Variants in DBN1 observed in about 807,000 individuals in gnomAD.
DBN1 encodes drebrin.
Under a neutral mutation model 83.5 loss-of-function variants are expected in DBN1, and 21 were observed. That is an observed-to-expected ratio of 0.25 (90% CI 0.18 to 0.36). The LOEUF (loss-of-function observed/expected upper bound fraction) is 0.36, where lower values mean the gene tolerates loss of function less well. DBN1 is among the 10% of genes least tolerant of loss of function. The probability of loss-of-function intolerance (pLI) is 1.00; values close to 1 mark genes in which losing one functional copy is unlikely to be tolerated. For synonymous variants in DBN1, 381 were observed against 384.9 expected (o/e 0.99, Z 0.12); for missense variants, 874 against 935.7 (o/e 0.93, Z 0.86).
At position 177,456,723 on chromosome 5, in the gene DBN1, G is replaced by A. The variant is rs1262328450; in HGVS notation, c.*710C>T. 7.0e-6 allele frequency: 1 copy of A among 141,880 alleles called. No homozygotes were observed. The highest frequency in any genetic ancestry group is 7.1e-5 in the Admixed American group (1 of 14,048). The allele number at this position is 141,880 out of a possible 1,614,324, so 8.8% of individuals were successfully genotyped here. ...AAAACAGTTACTAAACGTGAAAAAG[G>A]AACCCAAGCAAAGAGGAAGGAGTTG... On this transcript the variant is annotated 3_prime_UTR_variant, in exon 15 of 15. Transcript: ENST00000393565.
Position 177,467,487 on chromosome 5 carries a change from C to T in DBN1, c.471G>A (p.Glu157=). ...GTGCCAAACACACACTAACCACGGG[C>T]TCTGCGTTCTCATCCTCTCGCAGCC... The part of the protein sequence containing the change: ...RLRLREDENA[E]PVGTTYQKTD... Residue 157 remains glutamate, a synonymous_variant, in exon 5 of 15, where the codon GAG becomes GAA. Coordinates refer to ENST00000393565, the MANE Select transcript of DBN1 (RefSeq NM_001363541.2). This position sits in a 1 kb window ranked among gnomAD's most constrained non-coding sequence, Gnocchi z 9.1. 6.3e-7 allele frequency: 1 copy of T among 1,592,144 alleles called. No homozygotes were observed. Among genetic ancestry groups the T allele is most frequent in the Non-Finnish European group, 8.6e-7 (1 of 1,168,446 alleles).
chr5:177,467,969 T>C lies in DBN1; in HGVS notation c.255+139A>G, dbSNP rs530275434. ...GAGGGCGACTGCTCTGGGCCTTCAGTTCCCTTCCCCAGCCCCGGCCGCATA... is the reference window on the plus strand; with the variant it reads ...GAGGGCGACTGCTCTGGGCCTTCAGCTCCCTTCCCCAGCCCCGGCCGCATA... On this transcript the variant is annotated intron_variant, in intron 3 of 14. Transcript: ENST00000393565. This position sits in a 1 kb window ranked among gnomAD's most constrained non-coding sequence, Gnocchi z 9.1. 18 of 1,249,024 alleles carry C rather than the reference T, an allele frequency of 1.4e-5. No homozygotes were observed. Among genetic ancestry groups the C allele is most frequent in the East Asian group, 8.0e-5 (3 of 37,454 alleles). 77.4% of individuals were successfully genotyped at this position (1,249,024 alleles called of 1,614,324 possible).
At chr5:177,461,737 T>A (rs548203947) in intron 8 of DBN1, among the ~76,000 whole-genome samples, 1 of 152,262 alleles carries the variant, frequency 6.6e-6, no homozygotes, top group Non-Finnish European at 1.5e-5. Context: ...GCTACCTGCC[T>A]TATTTGCTCT....
At chr5:177,460,172 G>A (rs950511617) in intron 10 of DBN1, among the ~76,000 whole-genome samples, 19 of 152,214 alleles carry the variant, frequency 1.2e-4, no homozygotes, top group African/African-American at 3.4e-4. Context: ...CGTGGCCAGC[G>A]CTGTGCCTCA....
Position 177,459,216 on chromosome 5 carries a change from C to G in DBN1, c.1146G>C (p.Arg382=), listed in dbSNP as rs778827333. Residue 382 remains arginine (R), a synonymous_variant, in exon 12 of 15, where the codon CGG becomes CGC. Coordinates refer to ENST00000393565, the MANE Select transcript of DBN1 (RefSeq NM_001363541.2). The part of the protein sequence containing the change: ...RRMAPTPIPT[R]SPSDSSTAST... ...AGGCGGTGCTGGAGTCAGACGGGCT[C>G]CGCGTGGGGATGGGAGTGGGCGCCA... 1 of 1,611,270 alleles carries G rather than the reference C, an allele frequency of 6.2e-7. No homozygotes were observed.
At chr5:177,472,848 C>T in intron 1 of DBN1, 4 of 986,062 alleles carry the variant, frequency 4.1e-6, no homozygotes, top group Non-Finnish European at 4.8e-6. Context: ...AACATCCTTC[C>T]ACCTCACTCC....
intron 8 of DBN1, among the ~76,000 whole-genome samples, chr5:177,464,747 T>G (rs995080818): frequency 6.6e-6 from 1 of 150,968 alleles, no homozygotes; most frequent in Non-Finnish European, 1.5e-5. Flanking sequence ...CAAGATCAGC[T>G]TGGCCAACAT....
rs771044052 is a variant in DBN1 at position 177,467,568 on chromosome 5, C to T, written c.390G>A (p.Gly130=). The part of the protein sequence containing the change: ...SVEDIDAGAI[G]QRLSNGLARL... ...GCGCCAGCCCGTTAGAGAGCCGCTG[C>T]CCGATGGCACCCGCGTCTATGTCTT... Residue 130 remains glycine, a synonymous_variant, in exon 5 of 15, where the codon GGG becomes GGA. Coordinates refer to ENST00000393565, the MANE Select transcript of DBN1 (RefSeq NM_001363541.2). The surrounding 1 kb of genome is among the most constrained non-coding windows in gnomAD (Gnocchi z 9.1). 3 of 1,565,304 alleles carry T rather than the reference C, an allele frequency of 1.9e-6. No homozygotes were observed. The highest frequency in any genetic ancestry group is 2.7e-5 in the African/African-American group (2 of 73,668).
At chr5:177,472,395 TC>T in intron 1 of DBN1, 1 of 1,449,880 alleles carries the variant, frequency 6.9e-7, no homozygotes, top group East Asian at 2.8e-5. Flanking sequence ...ATGGGCACCT[TC>T]CCTAGAAGAA....
In DBN1 at chr5:177,458,332, C is replaced by T. The variant is rs1756716952; in HGVS notation, c.1640G>A (p.Gly547Asp). Residue 547 changes from glycine (G) to aspartate (D), a missense_variant, in exon 13 of 15, where the codon GGT (glycine) becomes GAT (aspartate). Coordinates refer to ENST00000393565, the MANE Select transcript of DBN1 (RefSeq NM_001363541.2). ...CACCTCTGCCAGGGTGACCTCAGTA[C>T]CCGAGGGTGGCGTGGGGGCCCTGGG... ...GEPRAPTPPS[G>D]TEVTLAEVPL... The T allele has an allele frequency of 6.2e-7, 1 of 1,613,204 alleles. No individual in the cohort carries two copies. The highest frequency in any genetic ancestry group is 8.5e-7 in the Non-Finnish European group (1 of 1,179,358).
chr5:177,473,545 C>G lies in DBN1; in HGVS notation c.-24G>C. ...ATGCTTCGGGCCGGACCGGGCCGAA[C>G]GGACAGACGCGCGGACGGACGGGCG... On this transcript the variant is annotated 5_prime_UTR_variant, in exon 1 of 15. Transcript: ENST00000393565. 7.5e-7 allele frequency: 1 copy of G among 1,325,646 alleles called. No individual in the cohort carries two copies. Among genetic ancestry groups the G allele is most frequent in the East Asian group, 3.3e-5 (1 of 30,696 alleles). The allele number at this position is 1,325,646 out of a possible 1,614,324, so 82.1% of individuals were successfully genotyped here. A position where few individuals can be genotyped will look rare whatever the true frequency, so the allele number is the denominator to read the frequency against.
chr5:177,458,190 T>G lies in DBN1; in HGVS notation c.1782A>C (p.Glu594Asp). ...EPPATFCDPE[E>D]VEGESLAAPQ... The stretch of plus-strand genomic sequence containing the variant: ...GGGCAGCCAGGGACTCCCCTTCCAC[T>G]TCCTCTGGGTCACAGAAGGTGGCTG... The change falls in exon 13 of 15, where the codon GAA (glutamate) becomes GAC (aspartate). Residue 594 changes from glutamate (E) to aspartate (D), a missense_variant. Glu to Asp is a conservative substitution (Grantham distance 45, BLOSUM62 2). This residue lies in a region of DBN1 where 725 missense variants were observed against 719.7 expected (regional missense o/e 1.01). Coordinates refer to ENST00000393565, the MANE Select transcript of DBN1 (RefSeq NM_001363541.2). 6.2e-7 allele frequency: 1 copy of G among 1,612,804 alleles called. No individual in the cohort carries two copies. Among genetic ancestry groups the G allele is most frequent in the Non-Finnish European group, 8.5e-7 (1 of 1,179,708 alleles).
Position 177,458,085 on chromosome 5 carries a change from G to A in DBN1, c.1887C>T (p.Gly629=), listed in dbSNP as rs775016803. The A allele has an allele frequency of 6.2e-7, 1 of 1,613,696 alleles. No individual in the cohort carries two copies. Among genetic ancestry groups the A allele is most frequent in the Non-Finnish European group, 8.5e-7 (1 of 1,179,992 alleles). Residue 629 remains glycine (G), a synonymous_variant, in exon 13 of 15, where the codon GGC becomes GGT. Transcript: ENST00000393565. ...QEPEPHLLTN[G]ETTQKEGTQA... is the part of the protein sequence containing the mutation. Reference sequence around the variant, plus strand: ...GGGTCCCCTCCTTCTGGGTGGTCTCGCCATTGGTTAGCAGGTGGGGCTCCG... The same window carrying A: ...GGGTCCCCTCCTTCTGGGTGGTCTCACCATTGGTTAGCAGGTGGGGCTCCG...
chr5:177,461,394 G>A (rs1262194071), intron 8 of DBN1, among the ~76,000 whole-genome samples: 2 of 151,874 alleles, frequency 1.3e-5, no homozygotes, highest in Admixed American at 6.6e-5. Flanking sequence ...CACCGCGCCC[G>A]GCCCCTTCTG....
intron 8 of DBN1, among the ~76,000 whole-genome samples, chr5:177,461,393 C>CG (rs1561680631): frequency 6.6e-6 from 1 of 152,200 alleles, no homozygotes; most frequent in African/African-American, 2.4e-5. Flanking sequence ...CCACCGCGCC[C>CG]GGCCCCTTCT....
chr5:177,459,136 T>G lies in DBN1; in HGVS notation c.1226A>C (p.Gln409Pro). The change falls in exon 12 of 15, where the codon CAG becomes CCG. Residue 409 changes from glutamine to proline, a missense_variant. Physicochemically the swap from Gln to Pro is moderately conservative, Grantham distance 76. Coordinates refer to ENST00000393565, the MANE Select transcript of DBN1 (RefSeq NM_001363541.2). ...ERALDEVTSS[Q>P]PPPLPPPPPP... The stretch of plus-strand genomic sequence containing the variant: ...GGGTGGCGGTGGCAGTGGTGGAGGC[T>G]GCGAGGAGGTGACCTCATCCAGGGC... The G allele has an allele frequency of 6.2e-7, 1 of 1,610,426 alleles. No homozygotes were observed. The highest frequency in any genetic ancestry group is 8.5e-7 in the Non-Finnish European group (1 of 1,178,454).
intron 8 of DBN1, among the ~76,000 whole-genome samples, chr5:177,461,806 T>TA (rs777204392): frequency 3.3e-5 from 5 of 152,200 alleles, no homozygotes; most frequent in Non-Finnish European, 7.3e-5. Flanking sequence ...TTCCTGAGCT[T>TA]AAAATCCCTC....
intron 12 of DBN1, 147 bp downstream of exon 12, chr5:177,458,951 G>T: frequency 7.3e-7 from 1 of 1,379,132 alleles, no homozygotes; most frequent in Non-Finnish European, 9.6e-7. Flanking sequence ...GTACACCAGG[G>T]CTCCTCCCCA....
intron 12 of DBN1, 42 bp downstream of exon 12, chr5:177,459,056 C>T: frequency 6.4e-7 from 1 of 1,559,182 alleles, no homozygotes; most frequent in South Asian, 1.2e-5. Flanking sequence ...CAGCCAGGGA[C>T]TGATGATGGG....
Sources: allele counts gnomAD v4.1 joint callset (sites outside exome capture counted in the v4.1 genomes callset), GRCh38; gene constraint gnomAD v4.1.1; regional missense constraint gnomAD v4.1.1; non-coding constraint Gnocchi (gnomAD v3.1); transcripts MANE v1.5; gene names NCBI Gene and HGNC (gene_info 2026-07-23, HGNC 2026-07-21).